TBC1D5: variants seen among roughly 807,000 people sequenced by gnomAD.
TBC1D5 encodes the protein TBC1 domain family, member 5.
In TBC1D5, 75 loss-of-function variants were observed where a neutral mutation model predicts 100.3. The ratio of observed to expected loss-of-function variants is 0.75; its 90% CI spans 0.62 to 0.91. TBC1D5 has a LOEUF of 0.91. Ranked by LOEUF, TBC1D5 falls within the 40% of genes least tolerant of loss-of-function variation. The pLI is 0.00. For missense variants in TBC1D5, 910 were observed against 942.4 expected, an observed-to-expected ratio of 0.97 and a Z score of 0.45; for synonymous variants, 323 against 325.6, an observed-to-expected ratio of 0.99 and a Z score of 0.09.
intron 2 of TBC1D5, among the ~76,000 whole-genome samples, chr3:17,526,347 A>G (rs1179941311): frequency 1.3e-5 from 2 of 152,146 alleles, no homozygotes; most frequent in Admixed American, 6.5e-5. Context: ...TCTCCCAAGT[A>G]GCTGGGACTA....
chr3:17,414,134 T>C (rs1363946385), intron 4 of TBC1D5, among the ~76,000 whole-genome samples: 1 of 152,174 alleles, frequency 6.6e-6, no homozygotes, highest in Non-Finnish European at 1.5e-5. Context: ...AACCAGATCA[T>C]TTCATTGCAA....
chr3:17,657,913 G>A (rs2066248196), intron 1 of TBC1D5, among the ~76,000 whole-genome samples: 1 of 152,206 alleles, frequency 6.6e-6, no homozygotes. Flanking sequence ...GTCATGTGCT[G>A]TATAATGACA....
At chr3:17,249,778 G>A (rs973885915) in intron 16 of TBC1D5, among the ~76,000 whole-genome samples, 1 of 152,112 alleles carries the variant, frequency 6.6e-6, no homozygotes, top group African/African-American at 2.4e-5. Flanking sequence ...GAGGCCCAAG[G>A]AAAGGGAGAA....
chr3:17,364,065 A>G (rs1474113896), intron 13 of TBC1D5, among the ~76,000 whole-genome samples: 3 of 152,012 alleles, frequency 2.0e-5, no homozygotes, highest in African/African-American at 7.2e-5. Flanking sequence ...GAAGTAGTCA[A>G]ATTTCCAGCT....
chr3:17,287,266 T>C (rs886081349), intron 15 of TBC1D5, among the ~76,000 whole-genome samples: 3 of 152,242 alleles, frequency 2.0e-5, no homozygotes, highest in African/African-American at 7.2e-5. Context: ...AAATCAATTC[T>C]ATCATTATTT....
intron 18 of TBC1D5, among the ~76,000 whole-genome samples, chr3:17,198,597 T>C (rs1575895042): frequency 6.6e-6 from 1 of 152,198 alleles, no homozygotes; most frequent in Non-Finnish European, 1.5e-5. Context: ...CTTTAAAAAA[T>C]GCCCTAGAAG....
intron 1 of TBC1D5, among the ~76,000 whole-genome samples, chr3:17,719,536 G>T (rs1169565578): frequency 6.6e-6 from 1 of 151,986 alleles, no homozygotes; most frequent in African/African-American, 2.4e-5. Flanking sequence ...AAATCCCTTT[G>T]GTTTTGCAGA....
At chr3:17,359,794 T>C (rs2091539647) in intron 13 of TBC1D5, among the ~76,000 whole-genome samples, 1 of 152,006 alleles carries the variant, frequency 6.6e-6, no homozygotes, top group African/African-American at 2.4e-5. Flanking sequence ...AAAGAGCTTA[T>C]TAGAGCAATT....
chr3:17,538,940 G>C (rs1322707602), intron 2 of TBC1D5, among the ~76,000 whole-genome samples: 1 of 152,128 alleles, frequency 6.6e-6, no homozygotes, highest in Non-Finnish European at 1.5e-5. Flanking sequence ...CCAGTACTCT[G>C]GAAGGCCAAG....
At chr3:17,178,062 GCTC>G (rs1166665212) in intron 19 of TBC1D5, among the ~76,000 whole-genome samples, 6 of 136,570 alleles carry the variant, frequency 4.4e-5, no homozygotes, top group East Asian at 4.0e-4. Flanking sequence ...GCTGAATAGT[GCTC>G]CTTTTTTTTT....
chr3:17,477,313 C>A (rs1442957758), intron 3 of TBC1D5, among the ~76,000 whole-genome samples: 1 of 151,992 alleles, frequency 6.6e-6, no homozygotes, highest in East Asian at 1.9e-4. Flanking sequence ...TATCCATATT[C>A]ATGAGCAAGA....
At chr3:17,334,789 ATATT>A (rs2087432755) in intron 13 of TBC1D5, among the ~76,000 whole-genome samples, 1 of 152,158 alleles carries the variant, frequency 6.6e-6, no homozygotes, top group South Asian at 2.1e-4. Flanking sequence ...AGCCGTTTTC[ATATT>A]TCCACAGAAT....
intron 1 of TBC1D5, chr3:17,646,883 C>T (rs1287340808): frequency 6.6e-6 from 1 of 151,772 alleles, no homozygotes; most frequent in South Asian, 2.1e-4. Context: ...ATTTCTCAAC[C>T]CTCCCCTGTT....
chr3:17,307,854 AT>A lies in TBC1D5; in HGVS notation c.1138+137del, dbSNP rs570173840. 2,500 of 1,066,900 alleles carry A rather than the reference AT, an allele frequency of 2.3e-3. 10 individuals carry two copies. The highest frequency in any genetic ancestry group is 2.2e-3 in the Non-Finnish European group (1,667 of 755,520). The allele number at this position is 1,066,900 out of a possible 1,614,324, so 66.1% of individuals were successfully genotyped here. A position where few individuals can be genotyped will look rare whatever the true frequency, so the allele number is the denominator to read the frequency against. On this transcript the variant is annotated intron_variant, in intron 14 of 21. Transcript: ENST00000253692. Reference sequence around the variant, plus strand: ...GGGATGTTTAGTATATTCCTTTGAAATTTCAGTATATTACCCTACTACAAAA... The same window carrying A: ...GGGATGTTTAGTATATTCCTTTGAAATTCAGTATATTACCCTACTACAAAA...
chr3:17,192,065 T>A (rs186628519), intron 18 of TBC1D5, among the ~76,000 whole-genome samples: 1 of 152,268 alleles, frequency 6.6e-6, no homozygotes, highest in African/African-American at 2.4e-5. Flanking sequence ...AAAAAAATAA[T>A]GGATAGTCCC....
At chr3:17,657,570 C>T (rs1023931075) in intron 1 of TBC1D5, among the ~76,000 whole-genome samples, 4 of 151,986 alleles carry the variant, frequency 2.6e-5, no homozygotes, top group African/African-American at 9.7e-5. Flanking sequence ...CTGCTGACCT[C>T]GTGATCTGCC....
intron 2 of TBC1D5, among the ~76,000 whole-genome samples, chr3:17,521,342 C>T (rs935159018): frequency 2.0e-5 from 3 of 152,206 alleles, no homozygotes; most frequent in Non-Finnish European, 4.4e-5. Context: ...GTGAAGCCAA[C>T]AAGGGTAACT....
At chr3:17,677,827 T>C (rs1423743744) in intron 1 of TBC1D5, among the ~76,000 whole-genome samples, 1 of 152,170 alleles carries the variant, frequency 6.6e-6, no homozygotes, top group Non-Finnish European at 1.5e-5. Context: ...TAAAAAATGA[T>C]GAGTTCATGT....
At chr3:17,228,363 T>C (rs1270856382) in intron 17 of TBC1D5, among the ~76,000 whole-genome samples, 1 of 152,144 alleles carries the variant, frequency 6.6e-6, no homozygotes, top group Non-Finnish European at 1.5e-5. Context: ...TTTAGTGTGG[T>C]GTCTAGCATA....
Sources: allele counts gnomAD v4.1 joint callset (sites outside exome capture counted in the v4.1 genomes callset), GRCh38; gene constraint gnomAD v4.1.1; transcripts MANE v1.5; gene names NCBI Gene and HGNC (gene_info 2026-07-23, HGNC 2026-07-21).